The following ZSCAN1 variants were observed in gnomAD, a reference collection of about 807,000 sequenced individuals.
The protein encoded by ZSCAN1 is zinc finger and SCAN domain containing 1.
A neutral mutation model predicts 23.8 loss-of-function variants in ZSCAN1; 23 were observed. The ratio of observed to expected loss-of-function variants is 0.97; its 90% CI spans 0.70 to 1.37. The LOEUF (loss-of-function observed/expected upper bound fraction) is 1.37. Among genes scored for constraint, ZSCAN1 ranks in the 40% most tolerant of loss-of-function variants. The probability of loss-of-function intolerance (pLI) is 0.00; values close to 1 mark genes in which losing one functional copy is unlikely to be tolerated. For synonymous variants in ZSCAN1, 236 were observed against 232.3 expected (o/e 1.02, Z -0.15); for missense variants, 575 against 554.0 (o/e 1.04, Z -0.38).
downstream of ZSCAN1, among the ~76,000 whole-genome samples, chr19:58,055,276 G>A (rs112913479): frequency 2.9e-3 from 438 of 152,084 alleles, 2 homozygotes; most frequent in African/African-American, 9.0e-3. Context: ...CTCTGTCCCC[G>A]ATGGCCCTCT....
chr19:58,038,339 CCCGCGGCTGTGTT>C, intron 3 of ZSCAN1, 133 bp downstream of exon 3: 1 of 1,169,490 alleles, frequency 8.6e-7, no homozygotes, highest in Non-Finnish European at 1.2e-6. Flanking sequence ...CCTCTCCTGC[CCCGCGGCTGTGTT>C]TTTAATTATT....
rs560288905 is a variant in ZSCAN1, at chr19:58,040,557, C to T, written c.465+13C>T. On this transcript the variant is annotated intron_variant, in intron 4 of 5. Transcript: ENST00000282326. This position sits in a 1 kb window ranked among gnomAD's most constrained non-coding sequence, Gnocchi z 5.8. ...AGAACCATCGCAGGTGAGCCCGGGG[C>T]CCCCAGCTCCGTGCTCCTGCACCCC... The T allele has an allele frequency of 4.3e-6, 7 of 1,612,114 alleles. No individual in the cohort carries two copies. The African/African-American group carries it at 5.3e-5, about 12-fold the overall frequency.
chr19:58,035,057 A>C (rs1211360192), intron 1 of ZSCAN1, among the ~76,000 whole-genome samples: 1 of 151,902 alleles, frequency 6.6e-6, no homozygotes, highest in Admixed American at 6.6e-5. Flanking sequence ...ATGCCAGGTG[A>C]ACCTGGCCCT....
chr19:58,046,459 A>G (rs1568604471), intron 4 of ZSCAN1: 2 of 843,920 alleles, frequency 2.4e-6, no homozygotes, highest in Non-Finnish European at 4.2e-6. Flanking sequence ...CCAGTGGGCC[A>G]GCAAGCTGGC....
chr19:58,046,337 A>G, intron 4 of ZSCAN1: 1 of 913,138 alleles, frequency 1.1e-6, no homozygotes, highest in South Asian at 1.3e-5. Flanking sequence ...GAACTTTCAA[A>G]GACTGGTGAA....
In ZSCAN1 at chr19:58,045,784, C is replaced by A; in HGVS notation, c.465+5240C>A. ...GAAGCAGTGGCTGGACCTGCACCTGCATCAGGAGATCCCCACATCGCTGCT... is the reference window on the plus strand; with the variant it reads ...GAAGCAGTGGCTGGACCTGCACCTGAATCAGGAGATCCCCACATCGCTGCT... On this transcript the variant is annotated intron_variant, in intron 4 of 5. Coordinates refer to ENST00000282326, the MANE Select transcript of ZSCAN1 (RefSeq NM_182572.4). The surrounding 1 kb of genome is among the most constrained non-coding windows in gnomAD (Gnocchi z 4.3). 6.4e-7 allele frequency: 1 copy of A among 1,559,514 alleles called. No homozygotes were observed.
At chr19:58,046,527 C>T (rs1013158212) in intron 4 of ZSCAN1, 5 of 916,458 alleles carry the variant, frequency 5.5e-6, no homozygotes, top group South Asian at 2.6e-5. Flanking sequence ...AGCTCATCAA[C>T]GCCATGAAGC....
At chr19:58,051,644 G>A (rs116083559) in intron 4 of ZSCAN1, among the ~76,000 whole-genome samples, 170 of 152,246 alleles carry the variant, frequency 1.1e-3, no homozygotes, top group African/African-American at 3.9e-3. Flanking sequence ...TTGACTCCTG[G>A]TCTTTTCTGA....
intron 3 of ZSCAN1, among the ~76,000 whole-genome samples, chr19:58,038,777 C>T (rs980148292): frequency 6.6e-6 from 1 of 152,260 alleles, no homozygotes; most frequent in African/African-American, 2.4e-5. Context: ...TCCATCCACC[C>T]AGGGCCCAGT....
chr19:58,036,451 C>G (rs1343237834), intron 2 of ZSCAN1, among the ~76,000 whole-genome samples: 3 of 151,688 alleles, frequency 2.0e-5, no homozygotes, highest in Non-Finnish European at 2.9e-5. Context: ...ATGTTTTCTT[C>G]AGTTATATGT....
chr19:58,048,836 C>A (rs903910178), intron 4 of ZSCAN1, among the ~76,000 whole-genome samples: 1 of 152,152 alleles, frequency 6.6e-6, no homozygotes, highest in African/African-American at 2.4e-5. Context: ...CTCACTGCAG[C>A]CTTGACCACC....
At position 58,045,078 on chromosome 19, in the gene ZSCAN1, T is replaced by C; in HGVS notation, c.465+4534T>C. ...GGTGCTGGGCGAGCTGAGGCACTAC[T>C]ACCATGGCTTCCGCCTGCTACGGAT... On this transcript the variant is annotated intron_variant, in intron 4 of 5. Transcript: ENST00000282326. This position sits in a 1 kb window ranked among gnomAD's most constrained non-coding sequence, Gnocchi z 4.3. 2.5e-6 allele frequency: 3 copies of C among 1,193,954 alleles called. No individual in the cohort carries two copies. Among genetic ancestry groups the C allele is most frequent in the Non-Finnish European group, 3.7e-6 (3 of 800,498 alleles). The allele number at this position is 1,193,954 out of a possible 1,614,324, so 74.0% of individuals were successfully genotyped here.
In ZSCAN1 at chr19:58,053,482, C is replaced by G; in HGVS notation, c.658C>G (p.Leu220Val). 3 of 1,613,994 alleles carry G rather than the reference C, an allele frequency of 1.9e-6. No individual in the cohort carries two copies. Among genetic ancestry groups the G allele is most frequent in the Non-Finnish European group, 2.5e-6 (3 of 1,179,908 alleles). ...KPSIWDEPEDLLAGPSSDLRA... is the reference protein window; with the variant it reads ...KPSIWDEPEDVLAGPSSDLRA... ...GAGTATCTGGGACGAGCCTGAGGAC[C>G]TTCTCGCAGGGCCCTCCTCAGACCT... The change falls in exon 6 of 6, where the codon CTT (leucine) becomes GTT (valine). Residue 220 changes from leucine (L) to valine (V), a missense_variant. Leu to Val is a conservative substitution (Grantham distance 32, BLOSUM62 1). Coordinates refer to ENST00000282326, the MANE Select transcript of ZSCAN1 (RefSeq NM_182572.4). This position sits in a 1 kb window ranked among gnomAD's most constrained non-coding sequence, Gnocchi z 5.8.
intron 2 of ZSCAN1, 140 bp from the exon 3 acceptor site, chr19:58,037,588 T>C: frequency 2.5e-6 from 1 of 407,208 alleles, no homozygotes; most frequent in South Asian, 6.9e-5. Context: ...TGTGGAAGAT[T>C]AGGTCAGAAG....
downstream of ZSCAN1, among the ~76,000 whole-genome samples, chr19:58,055,882 A>G (rs937220112): frequency 6.6e-6 from 1 of 152,116 alleles, no homozygotes; most frequent in Admixed American, 6.5e-5. Context: ...CAGTTCTCCA[A>G]TTGAGTTTGT....
At position 58,046,745 on chromosome 19, in the gene ZSCAN1, G is replaced by A. The variant is rs528262639; in HGVS notation, c.466-5745G>A. ...GGGTGGAGAAGGAGAAGGTGGAGAA[G>A]GAGGTTGCAGAGGTGAAGAGCTAGA... On this transcript the variant is annotated intron_variant, in intron 4 of 5. Coordinates refer to ENST00000282326, the MANE Select transcript of ZSCAN1 (RefSeq NM_182572.4). 953 of 778,948 alleles carry A rather than the reference G, an allele frequency of 1.2e-3. 4 individuals carry two copies. Among genetic ancestry groups the A allele is most frequent in the Admixed American group, 2.2e-3 (125 of 55,862 alleles). 48.3% of individuals were successfully genotyped at this position (778,948 alleles called of 1,614,324 possible). A position where few individuals can be genotyped will look rare whatever the true frequency, so the allele number is the denominator to read the frequency against.
chr19:58,046,066 G>A, intron 4 of ZSCAN1: 1 of 682,544 alleles, frequency 1.5e-6, no homozygotes, highest in Non-Finnish European at 2.7e-6. Context: ...ATGTGTGGAA[G>A]GCGCTCCCCA....
chr19:58,038,127 G>A lies in ZSCAN1; in HGVS notation c.291G>A (p.Trp97Ter). Residue 97 changes from tryptophan (W) to a stop codon, truncating the protein, a stop_gained, in exon 3 of 6, where the codon TGG becomes TGA. Coordinates refer to ENST00000282326, the MANE Select transcript of ZSCAN1 (RefSeq NM_182572.4). LOFTEE classifies it high-confidence loss of function. ...LGALPSKMRTWVQSQGPRSCR... is the reference protein window; with the variant it reads ...LGALPSKMRT Reference sequence around the variant, plus strand: ...CGCTGCCCAGCAAGATGCGGACCTGGGTGCAGTCACAGGGCCCCCGAAGCT... The same window carrying A: ...CGCTGCCCAGCAAGATGCGGACCTGAGTGCAGTCACAGGGCCCCCGAAGCT... 2 of 1,610,284 alleles carry A rather than the reference G, an allele frequency of 1.2e-6. No individual in the cohort carries two copies. The highest frequency in any genetic ancestry group is 1.3e-5 in the African/African-American group (1 of 74,986).
downstream of ZSCAN1, among the ~76,000 whole-genome samples, chr19:58,055,948 C>T (rs142734950): frequency 5.1e-4 from 78 of 152,340 alleles, no homozygotes; most frequent in African/African-American, 1.5e-3. Context: ...AAGAAAACAA[C>T]GCAAACTGCC....
Sources: gnomAD v4.1 joint callset for allele counts (sites outside exome capture counted in the v4.1 genomes callset) on GRCh38, gnomAD v4.1.1 for gene constraint, Gnocchi (gnomAD v3.1) non-coding constraint, MANE v1.5 for transcripts, NCBI Gene and HGNC (gene_info 2026-07-23, HGNC 2026-07-21) for gene names.